Variants in CLEC2L observed in about 807,000 individuals in gnomAD.
CLEC2L encodes C-type lectin domain family 2 member L.
In CLEC2L, 14 loss-of-function variants were observed where a neutral mutation model predicts 23.6. That is an observed-to-expected ratio of 0.59 (90% CI 0.39 to 0.93). The LOEUF (loss-of-function observed/expected upper bound fraction) is 0.93. Among genes scored for constraint, CLEC2L ranks in the 40% least tolerant of loss-of-function variants. CLEC2L has a pLI of 0.00. For synonymous variants in CLEC2L, 114 were observed against 121.3 expected (o/e 0.94, Z 0.40); for missense variants, 264 against 282.4 (o/e 0.93, Z 0.47).
At chr7:139,541,298 C>T (rs1401638371) in intron 3 of CLEC2L, among the ~76,000 whole-genome samples, 2 of 151,660 alleles carry the variant, frequency 1.3e-5, no homozygotes, top group Non-Finnish European at 2.9e-5. Flanking sequence ...TGTGAGCTAC[C>T]GTGCCCAGCC....
Position 139,541,894 on chromosome 7 carries a change from A to G in CLEC2L, c.433-127A>G, listed in dbSNP as rs74746068. ...CTTACTTGCGGGATTCAGCGAGACA[A>G]CAGTCACTCTCCTGGCGTCTGTACA... On this transcript the variant is annotated intron_variant, in intron 3 of 4. Coordinates refer to ENST00000422142, the MANE Select transcript of CLEC2L (RefSeq NM_001080511.4). 5,724 of 678,454 alleles carry G rather than the reference A, an allele frequency of 8.4e-3. 235 individuals carry two copies. In the African/African-American group the frequency reaches 0.089, roughly 11 times the overall value. 42.0% of individuals were successfully genotyped at this position (678,454 alleles called of 1,614,324 possible).
chr7:139,523,701 G>T lies in CLEC2L; in HGVS notation c.-227G>T, dbSNP rs1797462127. On this transcript the variant is annotated 5_prime_UTR_variant, in exon 1 of 5. Coordinates refer to ENST00000422142, the MANE Select transcript of CLEC2L (RefSeq NM_001080511.4). This position sits in a 1 kb window ranked among gnomAD's most constrained non-coding sequence, Gnocchi z 4.1. ...CTCCTCCCCAGCCCGGCTGTGCGTG[G>T]AGGCTGCGGCTCGGCGGGGCAGGCG... Among the ~76,000 whole-genome samples, 1 of 150,950 alleles carries T rather than the reference G, an allele frequency of 6.6e-6. No individual in the cohort carries two copies. The highest frequency in any genetic ancestry group is 1.5e-5 in the Non-Finnish European group (1 of 67,638).
chr7:139,544,250 G>C lies in CLEC2L; in HGVS notation c.553G>C (p.Gly185Arg). 6.2e-7 allele frequency: 1 copy of C among 1,613,162 alleles called. No individual in the cohort carries two copies. Among genetic ancestry groups the C allele is most frequent in the Non-Finnish European group, 8.5e-7 (1 of 1,179,450 alleles). ...CCACAGGTTCACCATCGCAGGTCCA[G>C]GGGAGTGTGTCTTCGTGGAGCCCAC... ...DPDTFTIAGP[G>R]ECVFVEPTRL... is the part of the protein sequence containing the mutation. Residue 185 changes from glycine (G) to arginine (R), a missense_variant, in exon 5 of 5, where the codon GGG becomes CGG. Transcript: ENST00000422142.
intron 1 of CLEC2L, among the ~76,000 whole-genome samples, chr7:139,531,401 T>C (rs1454488143): frequency 6.6e-6 from 1 of 152,038 alleles, no homozygotes; most frequent in Non-Finnish European, 1.5e-5. Context: ...AAAAATATAG[T>C]CACAGAAATT....
chr7:139,537,056 G>A (rs1714766942), intron 2 of CLEC2L, among the ~76,000 whole-genome samples: 1 of 149,646 alleles, frequency 6.7e-6, no homozygotes, highest in Non-Finnish European at 1.5e-5. Flanking sequence ...TCTGGGCTAA[G>A]TGCTAAGGTT....
intron 1 of CLEC2L, among the ~76,000 whole-genome samples, chr7:139,526,215 G>A (rs754323181): frequency 6.6e-6 from 1 of 152,150 alleles, no homozygotes; most frequent in Non-Finnish European, 1.5e-5. Flanking sequence ...CTTCTGAGAG[G>A]AGCCTGGGAA....
Position 139,540,650 on chromosome 7 carries a change from A to G in CLEC2L, c.432+163A>G, listed in dbSNP as rs1797721527. ...CACTTGGGGTGCAGGCAGACCTCAC[A>G]GTCTGAGCAGGTCAATGAGTGGCTC... On this transcript the variant is annotated intron_variant, in intron 3 of 4. Coordinates refer to ENST00000422142, the MANE Select transcript of CLEC2L (RefSeq NM_001080511.4). The surrounding 1 kb of genome is among the most constrained non-coding windows in gnomAD (Gnocchi z 5.8). 6.6e-6 allele frequency among the ~76,000 whole-genome samples: 1 copy of G among 152,214 alleles called. No individual in the cohort carries two copies.
intron 1 of CLEC2L, among the ~76,000 whole-genome samples, chr7:139,530,813 C>CAA (rs34317849): frequency 0.025 from 2,037 of 80,516 alleles, 75 homozygotes; most frequent in African/African-American, 0.077. Flanking sequence ...ACTCTTGTCT[C>CAA]AAAAAAAAAA....
At chr7:139,534,541 C>T (rs182164537) in intron 1 of CLEC2L, 1 of 764,200 alleles carries the variant, frequency 1.3e-6, no homozygotes, top group Non-Finnish European at 2.4e-6. Flanking sequence ...GCAGGCTCAA[C>T]AGGCTGATAA....
rs1346437806 is a variant in CLEC2L, at chr7:139,523,830, TGG to T, written c.-93_-92del. 3 of 829,000 alleles carry T rather than the reference TGG, an allele frequency of 3.6e-6. No homozygotes were observed. Among genetic ancestry groups the T allele is most frequent in the East Asian group, 1.2e-4 (1 of 8,060 alleles). The allele number at this position is 829,000 out of a possible 1,614,324, so 51.4% of individuals were successfully genotyped here. On this transcript the variant is annotated 5_prime_UTR_variant, in exon 1 of 5. Transcript: ENST00000422142. The surrounding 1 kb of genome is among the most constrained non-coding windows in gnomAD (Gnocchi z 4.1). ...GGTCCTAGCCCACCCGAGGCCGGCC[TGG>T]GGGGCCCGCAGGGCGCGCGGAGCGC...
At position 139,523,934 on chromosome 7, in the gene CLEC2L, C is replaced by T; in HGVS notation, c.7C>T (p.Pro3Ser). Reference protein sequence around the residue: MEPAREPPSRARP... With the variant: MESAREPPSRARP... Reference sequence around the variant, plus strand: ...GCGCGGCGGAGCGCCCCGCATGGAGCCGGCCCGGGAGCCCCCCTCGCGGGC... The same window carrying T: ...GCGCGGCGGAGCGCCCCGCATGGAGTCGGCCCGGGAGCCCCCCTCGCGGGC... The change falls in exon 1 of 5, where the codon CCG (proline) becomes TCG (serine). Residue 3 changes from proline (P) to serine (S), a missense_variant. By Grantham distance (74) the Pro-to-Ser change is moderately conservative. Transcript: ENST00000422142. The surrounding 1 kb of genome is among the most constrained non-coding windows in gnomAD (Gnocchi z 4.1). 1 of 975,668 alleles carries T rather than the reference C, an allele frequency of 1.0e-6. No homozygotes were observed. The highest frequency in any genetic ancestry group is 1.2e-6 in the Non-Finnish European group (1 of 824,588). 60.4% of individuals were successfully genotyped at this position (975,668 alleles called of 1,614,324 possible).
At chr7:139,533,631 C>T (rs984154285) in intron 1 of CLEC2L, among the ~76,000 whole-genome samples, 2 of 152,200 alleles carry the variant, frequency 1.3e-5, no homozygotes, top group Non-Finnish European at 2.9e-5. Flanking sequence ...GTTGGGATTA[C>T]AGGTGTGAGC....
intron 1 of CLEC2L, among the ~76,000 whole-genome samples, chr7:139,530,717 G>C (rs1000943622): frequency 6.6e-6 from 1 of 151,598 alleles, no homozygotes; most frequent in Admixed American, 6.6e-5. Flanking sequence ...GGAGGCTGAG[G>C]TGGGAGAATT....
chr7:139,532,562 C>T (rs182636791), intron 1 of CLEC2L, among the ~76,000 whole-genome samples: 3 of 152,232 alleles, frequency 2.0e-5, no homozygotes, highest in East Asian at 3.9e-4. Context: ...ATGGCCTGCA[C>T]GTTGGTTTCC....
intron 1 of CLEC2L, among the ~76,000 whole-genome samples, chr7:139,529,081 T>C (rs1309928382): frequency 3.9e-5 from 6 of 152,200 alleles, no homozygotes; most frequent in African/African-American, 1.4e-4. Context: ...CCCAGCCCTC[T>C]TTCAGGCAAT....
chr7:139,538,123 G>A (rs1797684832), intron 2 of CLEC2L, among the ~76,000 whole-genome samples: 1 of 152,166 alleles, frequency 6.6e-6, no homozygotes, highest in Non-Finnish European at 1.5e-5. Flanking sequence ...AAGGAGAGGG[G>A]TTCTGAGTGT....
chr7:139,541,744 G>A (rs1245699924), intron 3 of CLEC2L, among the ~76,000 whole-genome samples: 1 of 152,184 alleles, frequency 6.6e-6, no homozygotes, highest in Non-Finnish European at 1.5e-5. Context: ...AGCCTTCCTG[G>A]CCAGTGGCAT....
chr7:139,536,655 A>T (rs1244410298), intron 2 of CLEC2L, among the ~76,000 whole-genome samples: 1 of 152,000 alleles, frequency 6.6e-6, no homozygotes, highest in Non-Finnish European at 1.5e-5. Flanking sequence ...TTCTTGGAGG[A>T]GATGGTTTGG....
At position 139,524,086 on chromosome 7, in the gene CLEC2L, G is replaced by T; in HGVS notation, c.159G>T (p.Glu53Asp). 2 of 1,227,358 alleles carry T rather than the reference G, an allele frequency of 1.6e-6. No individual in the cohort carries two copies. The highest frequency in any genetic ancestry group is 4.1e-5 in the South Asian group (1 of 24,258). 76.0% of individuals were successfully genotyped at this position (1,227,358 alleles called of 1,614,324 possible). ...GLLRRSGSGY[E>D]GSTSWKAALE... ...TGCGGCGATCCGGGTCGGGCTACGA[G>T]GGCAGCACCAGCTGGAAGGCGGCCT... is the stretch of plus-strand genomic sequence containing the variant. Residue 53 changes from glutamate (E) to aspartate (D), a missense_variant, in exon 1 of 5, where the codon GAG (glutamate) becomes GAT (aspartate). Glu to Asp is a conservative substitution (Grantham distance 45). Coordinates refer to ENST00000422142, the MANE Select transcript of CLEC2L (RefSeq NM_001080511.4).
Sources: gnomAD v4.1 joint callset for allele counts (sites outside exome capture counted in the v4.1 genomes callset) on GRCh38, gnomAD v4.1.1 for gene constraint, Gnocchi (gnomAD v3.1) non-coding constraint, MANE v1.5 for transcripts, NCBI Gene and HGNC (gene_info 2026-07-23, HGNC 2026-07-21) for gene names.